PWWP3B: variants seen among roughly 807,000 people sequenced by gnomAD.
PWWP3B encodes the protein PWWP domain-containing DNA repair factor 3B.
A neutral mutation model predicts 15.7 loss-of-function variants in PWWP3B; 5 were observed. The ratio of observed to expected loss-of-function variants is 0.32; its 90% CI spans 0.17 to 0.67. The LOEUF (loss-of-function observed/expected upper bound fraction) is 0.67, where lower values mean the gene tolerates loss of function less well. PWWP3B is among the 30% of genes least tolerant of loss of function. The probability of loss-of-function intolerance (pLI) is 0.74; values close to 1 mark genes in which losing one functional copy is unlikely to be tolerated. For missense variants in PWWP3B, 519 were observed against 493.1 expected (o/e 1.05, Z -0.50); for synonymous variants, 203 against 179.8 (o/e 1.13, Z -1.03).
At position 106,194,558 on chromosome X, in the gene PWWP3B, G is replaced by A. The variant is rs779777094; in HGVS notation, c.-400-9427G>A. ...TCTCAGCTTGTCAAAGTCATTCTCC[G>A]TCCAGCTTTGTTCCATTGCTGTTGA... On this transcript the variant is annotated intron_variant, in intron 2 of 3. Transcript: ENST00000357175. 2.3e-3 allele frequency among the ~76,000 whole-genome samples: 260 copies of A among 112,022 alleles called. 1 individual carries two copies. Among genetic ancestry groups the A allele is most frequent in the African/African-American group, 7.7e-3 (239 of 30,880 alleles).
At chrX:106,203,412 T>C (rs942133933) in intron 2 of PWWP3B, among the ~76,000 whole-genome samples, 1 of 111,624 alleles carries the variant, frequency 9.0e-6, no homozygotes, top group African/African-American at 3.3e-5. Flanking sequence ...CTGTATGTAG[T>C]CCTTATGGAA....
In PWWP3B at chrX:106,171,250, T is replaced by C. The variant is rs1921597959; in HGVS notation, c.-401+111T>C. ...TCTACAGTCATCATAGCATTTTAAA[T>C]TAAAAGCCACATTTCATGTAAGGAT... On this transcript the variant is annotated intron_variant, in intron 2 of 3. Coordinates refer to ENST00000357175, the MANE Select transcript of PWWP3B (RefSeq NM_001171020.2). The C allele has an allele frequency of 2.7e-5, 3 of 112,454 alleles. No individual in the cohort carries two copies. The South Asian group carries it at 1.1e-3, about 42-fold the overall frequency. The allele number at this position is 112,454 out of a possible 1,213,427, so 9.3% of individuals were successfully genotyped here.
In PWWP3B at chrX:106,207,667, G is replaced by C; in HGVS notation, c.*144G>C. The C allele has an allele frequency of 3.9e-6, 2 of 512,823 alleles. No homozygotes were observed. Among genetic ancestry groups the C allele is most frequent in the Non-Finnish European group, 5.9e-6 (2 of 341,736 alleles). The allele number at this position is 512,823 out of a possible 1,213,427, so 42.3% of individuals were successfully genotyped here. A position where few individuals can be genotyped will look rare whatever the true frequency, so the allele number is the denominator to read the frequency against. On this transcript the variant is annotated 3_prime_UTR_variant, in exon 4 of 4. Transcript: ENST00000357175. ...CTTTTTTTTGAGATCTCTAGGATCT[G>C]TGGTTATAATTACATCTTTATTTCC...
intron 2 of PWWP3B, among the ~76,000 whole-genome samples, chrX:106,194,129 A>G (rs1923204217): frequency 8.9e-6 from 1 of 111,797 alleles, no homozygotes; most frequent in Non-Finnish European, 1.9e-5. Flanking sequence ...AATATCCTGC[A>G]GAGTGTTTTC....
At chrX:106,194,139 C>G (rs1923205295) in intron 2 of PWWP3B, among the ~76,000 whole-genome samples, 1 of 111,736 alleles carries the variant, frequency 8.9e-6, no homozygotes, top group Non-Finnish European at 1.9e-5. Context: ...AGAGTGTTTT[C>G]CAACTTGGTT....
Position 106,172,390 on chromosome X carries a change from AAAAAT to A in PWWP3B, c.-401+1264_-401+1268del, listed in dbSNP as rs748270337. ...CACTAACACATTGTACAGCAGTAAA[AAAAAT>A]AAAATAAAATAATTTCTTTCTTTAT... On this transcript the variant is annotated intron_variant, in intron 2 of 3. Transcript: ENST00000357175. Among the ~76,000 whole-genome samples, 20 of 112,019 alleles carry A rather than the reference AAAAAT, an allele frequency of 1.8e-4. No homozygotes were observed. In the South Asian group the frequency reaches 6.7e-3, roughly 37 times the overall value.
rs1287911604 is a variant in PWWP3B, at chrX:106,207,027, C to T, written c.1595C>T (p.Thr532Ile). The change falls in exon 4 of 4, where the codon ACC becomes ATC. Residue 532 changes from threonine to isoleucine, a missense_variant. By Grantham distance (89) the Thr-to-Ile change is moderately conservative. Transcript: ENST00000357175. ...GAACCGATGGCTGTAACTTCCCAGA[C>T]CAAGAAAATGTCCTTCCAAAAAATT... ...AREPMAVTSQTKKMSFQKILP... is the reference protein window; with the variant it reads ...AREPMAVTSQIKKMSFQKILP... 8.3e-7 allele frequency: 1 copy of T among 1,208,980 alleles called. No individual in the cohort carries two copies. Among genetic ancestry groups the T allele is most frequent in the Non-Finnish European group, 1.1e-6 (1 of 894,078 alleles).
intron 2 of PWWP3B, among the ~76,000 whole-genome samples, chrX:106,180,843 C>G (rs931002657): frequency 1.8e-5 from 2 of 112,082 alleles, no homozygotes; most frequent in Non-Finnish European, 3.8e-5. Context: ...TGTCACTGAA[C>G]TTTAAAAAAT....
Position 106,192,904 on chromosome X carries a change from A to T in PWWP3B, c.-400-11081A>T, listed in dbSNP as rs1317961013. Among the ~76,000 whole-genome samples the T allele has an allele frequency of 2.7e-5, 3 of 111,206 alleles. No homozygotes were observed. In the Admixed American group the frequency reaches 2.9e-4, roughly 11 times the overall value. On this transcript the variant is annotated intron_variant, in intron 2 of 3. Transcript: ENST00000357175. ...TAGTTTGATTGCACTGTGGTCTGAG[A>T]GACAGTTTGTTATAATTTCTGTTCT...
intron 2 of PWWP3B, among the ~76,000 whole-genome samples, chrX:106,175,558 C>T (rs1921861902): frequency 9.0e-6 from 1 of 110,957 alleles, no homozygotes; most frequent in South Asian, 3.8e-4. Context: ...GTTATATTCA[C>T]CAATTTCCTC....
intron 2 of PWWP3B, among the ~76,000 whole-genome samples, chrX:106,191,495 A>G (rs1029423651): frequency 1.8e-5 from 2 of 111,417 alleles, no homozygotes; most frequent in Non-Finnish European, 3.8e-5. Context: ...AACAGGGACA[A>G]TTTGACTTCC....
intron 2 of PWWP3B, among the ~76,000 whole-genome samples, chrX:106,173,383 CT>C (rs1459315449): frequency 1.8e-5 from 2 of 111,539 alleles, no homozygotes; most frequent in Admixed American, 9.5e-5. Flanking sequence ...TAATACTTCT[CT>C]TTTTTGTACC....
At chrX:106,188,803 T>C (rs1024231516) in intron 2 of PWWP3B, among the ~76,000 whole-genome samples, 12 of 112,550 alleles carry the variant, frequency 1.1e-4, no homozygotes, top group African/African-American at 3.9e-4. Context: ...TCACTTAGCA[T>C]ATTTTTAAAA....
At position 106,205,656 on chromosome X, in the gene PWWP3B, A is replaced by C; in HGVS notation, c.224A>C (p.Glu75Ala). Reference protein sequence around the residue: ...AIAASLGLQSEDSAPPTEETA... With the variant: ...AIAASLGLQSADSAPPTEETA... ...GCTGCCTCATTAGGACTACAGTCAG[A>C]GGACAGTGCTCCACCTACAGAGGAA... The change falls in exon 4 of 4, where the codon GAG (glutamate) becomes GCG (alanine). Residue 75 changes from glutamate to alanine, a missense_variant. Physicochemically the swap from Glu to Ala is moderately radical, Grantham distance 107. Transcript: ENST00000357175. 8.3e-7 allele frequency: 1 copy of C among 1,211,091 alleles called. No individual in the cohort carries two copies. The highest frequency in any genetic ancestry group is 1.1e-6 in the Non-Finnish European group (1 of 895,025).
chrX:106,196,879 A>C (rs1261167740), intron 2 of PWWP3B, among the ~76,000 whole-genome samples: 1 of 111,811 alleles, frequency 8.9e-6, no homozygotes, highest in East Asian at 2.8e-4. Context: ...TTTGTGCTTC[A>C]GTTGGAGCCT....
At chrX:106,204,999 A>C (rs1923908585) in intron 3 of PWWP3B, among the ~76,000 whole-genome samples, 1 of 110,775 alleles carries the variant, frequency 9.0e-6, no homozygotes, top group African/African-American at 3.3e-5. Context: ...CATGTTCAAT[A>C]ATGAGGGCAA....
intron 1 of PWWP3B, among the ~76,000 whole-genome samples, chrX:106,170,538 A>G (rs1324365962): frequency 8.9e-6 from 1 of 112,296 alleles, no homozygotes; most frequent in Non-Finnish European, 1.9e-5. Flanking sequence ...TGCCAGGTTT[A>G]CTAAGCTTTG....
Position 106,205,439 on chromosome X carries a change from T to C in PWWP3B, c.7T>C (p.Ser3Pro). MESEYVLCNWKDQ... is the reference protein window; with the variant it reads MEPEYVLCNWKDQ... ...CACACAAATATAAACCATAATGGAGTCTGAGTATGTCCTATGCAACTGGAA... is the reference window on the plus strand; with the variant it reads ...CACACAAATATAAACCATAATGGAGCCTGAGTATGTCCTATGCAACTGGAA... The change falls in exon 4 of 4, where the codon TCT becomes CCT. Residue 3 changes from serine to proline, a missense_variant. Physicochemically the swap from Ser to Pro is moderately conservative, Grantham distance 74. Transcript: ENST00000357175. The C allele has an allele frequency of 8.7e-7, 1 of 1,143,332 alleles. No homozygotes were observed. The highest frequency in any genetic ancestry group is 1.2e-6 in the Non-Finnish European group (1 of 864,515). 94.2% of individuals were successfully genotyped at this position (1,143,332 alleles called of 1,213,427 possible). A position where few individuals can be genotyped will look rare whatever the true frequency, so the allele number is the denominator to read the frequency against.
chrX:106,168,524 G>T (rs1176112628), intron 1 of PWWP3B, 99 bp downstream of exon 1: 1 of 112,325 alleles, frequency 8.9e-6, no homozygotes, highest in Non-Finnish European at 1.9e-5. Context: ...TGTGTTTTGT[G>T]TTCCTTCAGA....
Sources: allele counts gnomAD v4.1 joint callset (sites outside exome capture counted in the v4.1 genomes callset), GRCh38; gene constraint gnomAD v4.1.1; transcripts MANE v1.5; gene names NCBI Gene and HGNC (gene_info 2026-07-23, HGNC 2026-07-21).